WDPCP: variants seen among roughly 807,000 people sequenced by gnomAD.
WDPCP encodes WD repeat containing planar cell polarity effector.
In WDPCP, 71 loss-of-function variants were observed where a neutral mutation model predicts 93.1. The observed-to-expected ratio is 0.76, with a 90% CI of 0.63 to 0.93. WDPCP has a LOEUF of 0.93. WDPCP is among the 40% of genes least tolerant of loss of function. The pLI, the probability that WDPCP is intolerant of heterozygous loss-of-function variation, is 0.00. For synonymous variants in WDPCP, 315 were observed against 315.0 expected (o/e 1.00, Z 0.00); for missense variants, 844 against 887.4 (o/e 0.95, Z 0.62).
intron 1 of WDPCP, among the ~76,000 whole-genome samples, chr2:63,543,761 G>A (rs1456218803): frequency 6.6e-6 from 1 of 152,000 alleles, no homozygotes; most frequent in African/African-American, 2.4e-5. Flanking sequence ...ACAATTACTC[G>A]ATGAGATATA....
chr2:63,581,467 C>T (rs528950081), intron 1 of WDPCP, among the ~76,000 whole-genome samples: 7 of 152,258 alleles, frequency 4.6e-5, no homozygotes, highest in African/African-American at 1.4e-4. Flanking sequence ...GCACTCATAT[C>T]GGGCTGGGAA....
intron 6 of WDPCP, among the ~76,000 whole-genome samples, chr2:63,473,406 T>C (rs1215030068): frequency 2.0e-5 from 3 of 152,186 alleles, no homozygotes; most frequent in Non-Finnish European, 4.4e-5. Flanking sequence ...AGAAACCCTG[T>C]GGGTTGGTGT....
intron 1 of WDPCP, among the ~76,000 whole-genome samples, chr2:63,511,236 G>A (rs1180115229): frequency 6.6e-6 from 1 of 152,152 alleles, no homozygotes; most frequent in Non-Finnish European, 1.5e-5. Flanking sequence ...ACTGCTCAAG[G>A]AAATCAGAGA....
intron 1 of WDPCP, among the ~76,000 whole-genome samples, chr2:63,581,898 A>G (rs974854011): frequency 2.0e-5 from 3 of 151,752 alleles, no homozygotes; most frequent in East Asian, 3.9e-4. Context: ...AGTCCCAGCT[A>G]TTTGAGAGCT....
At chr2:63,773,937 T>A (rs535612384) in intron 2 of WDPCP, among the ~76,000 whole-genome samples, 8 of 152,120 alleles carry the variant, frequency 5.3e-5, no homozygotes, top group South Asian at 4.1e-4. Context: ...TAAGATTTTT[T>A]AAAAAAATAC....
At chr2:63,179,217 A>G (rs1400541242) in intron 14 of WDPCP, among the ~76,000 whole-genome samples, 1 of 150,536 alleles carries the variant, frequency 6.6e-6, no homozygotes, top group East Asian at 2.0e-4. Context: ...AAAAAAAAAA[A>G]GAAATATCAG....
chr2:63,790,336 A>G (rs1670527941), intron 2 of WDPCP, among the ~76,000 whole-genome samples: 2 of 152,254 alleles, frequency 1.3e-5, no homozygotes, highest in South Asian at 4.1e-4. Flanking sequence ...GGGGTGCCCC[A>G]AATGGGAGAA....
chr2:63,391,406 C>A (rs1346485039), intron 10 of WDPCP, among the ~76,000 whole-genome samples: 1 of 152,134 alleles, frequency 6.6e-6, no homozygotes, highest in East Asian at 1.9e-4. Flanking sequence ...ACAATAAGAG[C>A]TATTTATGAC....
chr2:63,789,833 T>G (rs975830368), intron 2 of WDPCP, among the ~76,000 whole-genome samples: 1 of 152,194 alleles, frequency 6.6e-6, no homozygotes, highest in Non-Finnish European at 1.5e-5. Flanking sequence ...TTACACTGTA[T>G]AATGCGAAAC....
At chr2:63,124,794 T>G (rs1053057961) in intron 17 of WDPCP, among the ~76,000 whole-genome samples, 9 of 152,208 alleles carry the variant, frequency 5.9e-5, no homozygotes, top group African/African-American at 2.2e-4. Flanking sequence ...GAGGCTCATA[T>G]GGGTTAAGTG....
At chr2:63,188,811 G>A (rs1674826012) in intron 14 of WDPCP, among the ~76,000 whole-genome samples, 1 of 151,928 alleles carries the variant, frequency 6.6e-6, no homozygotes, top group Admixed American at 6.6e-5. Context: ...GCAAATTTCT[G>A]GAGCTTAATT....
chr2:63,530,220 A>T (rs1021331379), intron 1 of WDPCP, among the ~76,000 whole-genome samples: 19 of 151,706 alleles, frequency 1.3e-4, no homozygotes, highest in African/African-American at 3.6e-4. Context: ...CTCTGATCTT[A>T]GTTATTTCTT....
chr2:63,784,687 C>A (rs1670442813), intron 2 of WDPCP, among the ~76,000 whole-genome samples: 1 of 151,338 alleles, frequency 6.6e-6, no homozygotes, highest in Non-Finnish European at 1.5e-5. Context: ...AAATTTAGGC[C>A]CAATTACTCA....
intron 17 of WDPCP, among the ~76,000 whole-genome samples, chr2:63,150,477 G>A (rs1247710072): frequency 6.6e-6 from 1 of 152,162 alleles, no homozygotes; most frequent in African/African-American, 2.4e-5. Flanking sequence ...GGCCCAAAAT[G>A]TCAATAGCGC....
chr2:63,404,904 C>T (rs914189784), intron 9 of WDPCP, among the ~76,000 whole-genome samples: 1 of 152,066 alleles, frequency 6.6e-6, no homozygotes, highest in African/African-American at 2.4e-5. Context: ...AGCACAGCTG[C>T]AAGAATTAAA....
At chr2:63,217,445 A>G (rs1437780774) in intron 14 of WDPCP, among the ~76,000 whole-genome samples, 1 of 152,192 alleles carries the variant, frequency 6.6e-6, no homozygotes, top group Non-Finnish European at 1.5e-5. Context: ...AGCTGGGTGT[A>G]TTAGTATCAT....
chr2:63,621,540 T>G (rs1030048484), intron 3 of WDPCP, among the ~76,000 whole-genome samples: 3 of 152,092 alleles, frequency 2.0e-5, no homozygotes, highest in Non-Finnish European at 4.4e-5. Flanking sequence ...TGACTAAACT[T>G]ACGTTTGATT....
chr2:63,816,329 T>C (rs1030620344), intron 1 of WDPCP, among the ~76,000 whole-genome samples: 8 of 152,168 alleles, frequency 5.3e-5, no homozygotes, highest in Non-Finnish European at 1.0e-4. Flanking sequence ...TGTGATATTA[T>C]AGTAGGTTAA....
At chr2:63,197,203 C>A (rs1489693867) in intron 14 of WDPCP, among the ~76,000 whole-genome samples, 1 of 152,092 alleles carries the variant, frequency 6.6e-6, no homozygotes, top group Non-Finnish European at 1.5e-5. Context: ...GGATGAAGAC[C>A]TTTATGATAA....
Sources: gnomAD v4.1 joint callset for allele counts (sites outside exome capture counted in the v4.1 genomes callset) on GRCh38, gnomAD v4.1.1 for gene constraint, MANE v1.5 for transcripts, NCBI Gene and HGNC (gene_info 2026-07-23, HGNC 2026-07-21) for gene names.